The following NOX4 variants were observed in gnomAD, a reference collection of about 807,000 sequenced individuals.
The protein encoded by NOX4 is kidney oxidase-1.
NOX4 carries 69 observed loss-of-function variants against 87.6 expected under a neutral mutation model. The observed-to-expected ratio is 0.79, with a 90% CI of 0.65 to 0.96. The LOEUF is 0.96. NOX4 is among the 40% of genes least tolerant of loss of function. The pLI is 0.00. For missense variants in NOX4, 680 were observed against 681.5 expected (o/e 1.00, Z 0.02); for synonymous variants, 275 against 238.2 (o/e 1.15, Z -1.42).
chr11:89,444,764 C>A (rs1036458032), intron 4 of NOX4, among the ~76,000 whole-genome samples: 2 of 152,060 alleles, frequency 1.3e-5, no homozygotes, highest in African/African-American at 4.8e-5. Context: ...TCATAATATT[C>A]TTAACCCAAC....
At chr11:89,460,412 T>C (rs1945401447) in intron 2 of NOX4, among the ~76,000 whole-genome samples, 1 of 152,114 alleles carries the variant, frequency 6.6e-6, no homozygotes, top group South Asian at 2.1e-4. Flanking sequence ...ATTCTACCTA[T>C]CTGACAAAGG....
At chr11:89,572,934 T>C in the NOX4 span, among the ~76,000 whole-genome samples, 1 of 152,120 alleles carries the variant, frequency 6.6e-6, no homozygotes, top group South Asian at 2.1e-4. Flanking sequence ...TAATCTCTTT[T>C]CTTGCCTTCT....
At chr11:89,512,071 T>C in the NOX4 span, among the ~76,000 whole-genome samples, 1 of 152,116 alleles carries the variant, frequency 6.6e-6, no homozygotes. Context: ...GCTTGCCTTA[T>C]ATATTGCATC....
chr11:89,350,327 C>A (rs1281633925), intron 13 of NOX4, among the ~76,000 whole-genome samples: 1 of 152,146 alleles, frequency 6.6e-6, no homozygotes, highest in Non-Finnish European at 1.5e-5. Context: ...CAGAACTAGT[C>A]AGTTCTCTTC....
intron 2 of NOX4, among the ~76,000 whole-genome samples, chr11:89,471,545 A>G (rs188886014): frequency 1.2e-3 from 184 of 152,324 alleles, no homozygotes; most frequent in Non-Finnish European, 2.1e-3. Context: ...TCCTATGCCT[A>G]TAAGTCAAAA....
intron 12 of NOX4, among the ~76,000 whole-genome samples, chr11:89,356,745 T>A (rs1938091168): frequency 6.6e-6 from 1 of 152,104 alleles, no homozygotes; most frequent in African/African-American, 2.4e-5. Context: ...AGTAGATGAG[T>A]ATTGTGCCAC....
chr11:89,576,907 T>C, the NOX4 span: 1 of 152,134 alleles, frequency 6.6e-6, no homozygotes, highest in Admixed American at 6.6e-5. Flanking sequence ...TTTAACTTCA[T>C]ATATACACAA....
intron 13 of NOX4, among the ~76,000 whole-genome samples, chr11:89,352,816 TTTTTG>T (rs1937663414): frequency 6.6e-6 from 1 of 152,164 alleles, no homozygotes; most frequent in African/African-American, 2.4e-5. Flanking sequence ...TGTTTGTCAT[TTTTTG>T]TTTTGTTTTG....
At chr11:89,585,168 A>T in the NOX4 span, among the ~76,000 whole-genome samples, 1 of 152,104 alleles carries the variant, frequency 6.6e-6, no homozygotes, top group Non-Finnish European at 1.5e-5. Flanking sequence ...CTCTTTAGTT[A>T]TGCTTAGAAA....
chr11:89,572,290 C>G, the NOX4 span, among the ~76,000 whole-genome samples: 17 of 152,166 alleles, frequency 1.1e-4, no homozygotes, highest in African/African-American at 3.4e-4. Context: ...TGCAATCCAC[C>G]TGGAAATGAT....
chr11:89,418,172 A>G (rs1942883385), intron 8 of NOX4, among the ~76,000 whole-genome samples: 1 of 151,928 alleles, frequency 6.6e-6, no homozygotes, highest in African/African-American at 2.4e-5. Flanking sequence ...ACCGATTGCA[A>G]TGTTTGTAGT....
At chr11:89,384,588 T>C (rs774415541) in intron 11 of NOX4, among the ~76,000 whole-genome samples, 3 of 152,146 alleles carry the variant, frequency 2.0e-5, no homozygotes, top group African/African-American at 4.8e-5. Flanking sequence ...TAAACCATTA[T>C]ATAAACTCAC....
At chr11:89,383,748 A>G (rs1005320855) in intron 11 of NOX4, among the ~76,000 whole-genome samples, 3 of 152,104 alleles carry the variant, frequency 2.0e-5, no homozygotes, top group Non-Finnish European at 1.5e-5. Flanking sequence ...TTAGGATGAG[A>G]CATTTTTACT....
intron 2 of NOX4, among the ~76,000 whole-genome samples, chr11:89,470,096 A>G (rs1255318379): frequency 3.3e-5 from 5 of 150,930 alleles, no homozygotes. Context: ...AATAATAATA[A>G]TAATAAGATA....
At chr11:89,496,806 T>C (rs989338391), upstream of NOX4, among the ~76,000 whole-genome samples, 1 of 152,218 alleles carries the variant, frequency 6.6e-6, no homozygotes, top group Admixed American at 6.5e-5. Flanking sequence ...TTTCTCTCTG[T>C]CATTTCACAG....
intron 2 of NOX4, among the ~76,000 whole-genome samples, chr11:89,487,570 A>C (rs1946681255): frequency 6.6e-6 from 1 of 152,198 alleles, no homozygotes; most frequent in Non-Finnish European, 1.5e-5. Flanking sequence ...GTACAATGAA[A>C]TACATTTCCA....
chr11:89,336,630 T>C (rs975435469), intron 16 of NOX4, among the ~76,000 whole-genome samples: 7 of 151,952 alleles, frequency 4.6e-5, no homozygotes, highest in African/African-American at 1.7e-4. Flanking sequence ...AGTATCTGAG[T>C]CCCAGGCAGG....
intron 11 of NOX4, among the ~76,000 whole-genome samples, chr11:89,378,142 C>A (rs1939991601): frequency 6.6e-6 from 1 of 152,138 alleles, no homozygotes; most frequent in Non-Finnish European, 1.5e-5. Context: ...TGAAAAACCA[C>A]CCATATTCTT....
intron 11 of NOX4, among the ~76,000 whole-genome samples, chr11:89,397,222 G>C (rs979755150): frequency 6.6e-6 from 1 of 152,006 alleles, no homozygotes; most frequent in Non-Finnish European, 1.5e-5. Flanking sequence ...ATGACTACTG[G>C]GTAAATAATG....
Sources: gnomAD v4.1 joint callset for allele counts (sites outside exome capture counted in the v4.1 genomes callset) on GRCh38, gnomAD v4.1.1 for gene constraint, MANE v1.5 for transcripts, NCBI Gene and HGNC (gene_info 2026-07-23, HGNC 2026-07-21) for gene names.